The following COL5A2 variants were observed in gnomAD, a reference collection of about 807,000 sequenced individuals.
COL5A2 encodes collagen type V alpha 2 chain, also known as collagen alpha-2(V) chain.
In COL5A2, 23 loss-of-function variants were observed where a neutral mutation model predicts 208.2. That is an observed-to-expected ratio of 0.11 (90% confidence interval 0.08 to 0.16). COL5A2 has a LOEUF of 0.16. COL5A2 is among the 10% of genes least tolerant of loss of function. The pLI is 1.00. For missense variants in COL5A2, 1,590 were observed against 1,956.4 expected (o/e 0.81, Z 3.53); for synonymous variants, 625 against 628.5 (o/e 0.99, Z 0.08).
intron 1 of COL5A2, among the ~76,000 whole-genome samples, chr2:189,186,883 A>T (rs1009184198): frequency 3.9e-5 from 6 of 152,240 alleles, no homozygotes; most frequent in Non-Finnish European, 8.8e-5. Context: ...AGACATTATT[A>T]AAGATATTTC....
chr2:189,292,198 G>C, the COL5A2 span, among the ~76,000 whole-genome samples: 3 of 152,262 alleles, frequency 2.0e-5, no homozygotes, highest in African/African-American at 7.2e-5. Flanking sequence ...CACATATATT[G>C]TATGGAAGAC....
chr2:189,033,029 A>C lies in COL5A2; in HGVS notation c.*1041T>G, dbSNP rs2153505754. On this transcript the variant is annotated 3_prime_UTR_variant, in exon 54 of 54. Transcript: ENST00000374866. The stretch of plus-strand genomic sequence containing the variant: ...TCTAGAGATGAGGTAGCTCATGCTA[A>C]GAAATGTTGGGTCATTTTTCCTATG... 1 of 152,742 alleles carries C rather than the reference A, an allele frequency of 6.5e-6. No individual in the cohort carries two copies. The highest frequency in any genetic ancestry group is 2.1e-4 in the South Asian group (1 of 4,832). 9.5% of individuals were successfully genotyped at this position (152,742 alleles called of 1,614,324 possible).
upstream of COL5A2, among the ~76,000 whole-genome samples, chr2:189,230,271 T>C (rs1689463745): frequency 6.6e-6 from 1 of 151,824 alleles, no homozygotes; most frequent in African/African-American, 2.4e-5. Context: ...GTTTTTGCCA[T>C]GATTTGATGG....
chr2:189,172,824 C>T (rs1178913793), intron 1 of COL5A2, among the ~76,000 whole-genome samples: 2 of 151,578 alleles, frequency 1.3e-5, no homozygotes, highest in African/African-American at 4.8e-5. Context: ...AACTGTGAGA[C>T]TGTCTTTCCT....
chr2:189,108,271 C>T (rs1687190106), intron 2 of COL5A2, among the ~76,000 whole-genome samples: 1 of 151,712 alleles, frequency 6.6e-6, no homozygotes, highest in African/African-American at 2.4e-5. Flanking sequence ...CTCTTGGTTG[C>T]CTTGCATTTA....
At chr2:189,311,448 T>C in the COL5A2 span, 1 of 1,138,316 alleles carries the variant, frequency 8.8e-7, no homozygotes, top group Admixed American at 1.9e-5. Context: ...TTGACCTCGA[T>C]GTTCAGCAGG....
the COL5A2 span, among the ~76,000 whole-genome samples, chr2:189,240,347 C>A: frequency 6.6e-6 from 1 of 152,108 alleles, no homozygotes; most frequent in African/African-American, 2.4e-5. Flanking sequence ...TCTCACATGG[C>A]AAAGAGAGAG....
chr2:189,277,024 A>G, the COL5A2 span, among the ~76,000 whole-genome samples: 5 of 152,164 alleles, frequency 3.3e-5, no homozygotes, highest in African/African-American at 9.6e-5. Context: ...TTTGAATCTC[A>G]GCTATGCCAT....
the COL5A2 span, among the ~76,000 whole-genome samples, chr2:189,417,854 G>A: frequency 1.3e-5 from 2 of 151,068 alleles, no homozygotes; most frequent in Admixed American, 1.3e-4. Flanking sequence ...ATATATATAT[G>A]CACACACACA....
In COL5A2 at chr2:189,033,071, A is replaced by G. The variant is rs373913450; in HGVS notation, c.*999T>C. 2.6e-5 allele frequency: 4 copies of G among 152,588 alleles called. No individual in the cohort carries two copies. In the East Asian group the frequency reaches 5.8e-4, roughly 22 times the overall value. The allele number at this position is 152,588 out of a possible 1,614,324, so 9.5% of individuals were successfully genotyped here. A position where few individuals can be genotyped will look rare whatever the true frequency, so the allele number is the denominator to read the frequency against. On this transcript the variant is annotated 3_prime_UTR_variant, in exon 54 of 54. Transcript: ENST00000374866. Reference sequence around the variant, plus strand: ...TTTCCTATGAAAGTTCAAAGGCCAAATGGTCTAATTCCAATCATCACATTT... The same window carrying G: ...TTTCCTATGAAAGTTCAAAGGCCAAGTGGTCTAATTCCAATCATCACATTT...
rs1487139188 is a variant in COL5A2 at position 189,178,574 on chromosome 2, T to C, written c.97+934A>G. ...GCAACCCTCAAGATTAAAGATTTAA[T>C]AGAGGAATCAATTTAAATATTTTCT... On this transcript the variant is annotated intron_variant, in intron 1 of 53. Coordinates refer to ENST00000374866, the MANE Select transcript of COL5A2 (RefSeq NM_000393.5). 7.2e-5 allele frequency among the ~76,000 whole-genome samples: 11 copies of C among 152,078 alleles called. No individual in the cohort carries two copies. The East Asian group carries it at 1.5e-3, about 21-fold the overall frequency.
At chr2:189,309,266 T>C in the COL5A2 span, among the ~76,000 whole-genome samples, 4 of 152,160 alleles carry the variant, frequency 2.6e-5, no homozygotes, top group Non-Finnish European at 5.9e-5. Context: ...ACCTGAAACG[T>C]GATCAGTAGC....
intron 1 of COL5A2, among the ~76,000 whole-genome samples, chr2:189,178,687 G>T (rs1159379796): frequency 1.2e-4 from 17 of 145,134 alleles, no homozygotes; most frequent in Non-Finnish European, 1.5e-4. Flanking sequence ...AAAAAATGTG[G>T]TCACCAGGCA....
At chr2:189,406,044 T>C in the COL5A2 span, among the ~76,000 whole-genome samples, 1 of 152,340 alleles carries the variant, frequency 6.6e-6, no homozygotes, top group Non-Finnish European at 1.5e-5. Context: ...ATAGCACCTA[T>C]CAGCTATCAA....
Position 189,039,478 on chromosome 2 carries a change from T to C in COL5A2, c.3719A>G (p.Tyr1240Cys), listed in dbSNP as rs748365947. The C allele has an allele frequency of 1.2e-6, 2 of 1,614,078 alleles. No individual in the cohort carries two copies. The highest frequency in any genetic ancestry group is 8.5e-7 in the Non-Finnish European group (1 of 1,180,016). Residue 1240 changes from tyrosine (Y) to cysteine (C), a missense_variant, in exon 51 of 54, where the codon TAT (tyrosine) becomes TGT (cysteine). Physicochemically the swap from Tyr to Cys is radical, Grantham distance 194. Transcript: ENST00000374866. ...AAGTGGATCTGGCATGCTTTCATCATAGTGCCCCATGATATCCCCAAGAGC... is the reference window on the plus strand; with the variant it reads ...AAGTGGATCTGGCATGCTTTCATCACAGTGCCCCATGATATCCCCAAGAGC... ...TAALGDIMGH[Y>C]DESMPDPLPE...
chr2:189,151,821 T>A (rs1021457496), intron 1 of COL5A2, among the ~76,000 whole-genome samples: 1 of 152,184 alleles, frequency 6.6e-6, no homozygotes, highest in African/African-American at 2.4e-5. Flanking sequence ...TTAAACTCTA[T>A]CCTAGTAAGA....
At chr2:189,074,698 T>C (rs537701044) in intron 17 of COL5A2, among the ~76,000 whole-genome samples, 1 of 152,314 alleles carries the variant, frequency 6.6e-6, no homozygotes, top group Non-Finnish European at 1.5e-5. Flanking sequence ...AATTACATCA[T>C]CCATCAAACA....
intron 1 of COL5A2, among the ~76,000 whole-genome samples, chr2:189,192,367 T>C (rs1688942180): frequency 2.0e-5 from 3 of 152,202 alleles, no homozygotes; most frequent in East Asian, 3.8e-4. Flanking sequence ...ATATTCTCTC[T>C]GGAAGTAGGT....
chr2:189,335,134 T>G, the COL5A2 span, among the ~76,000 whole-genome samples: 2 of 152,040 alleles, frequency 1.3e-5, no homozygotes, highest in Admixed American at 1.3e-4. Context: ...AAGAAAAAAG[T>G]AAGAGAACAT....
Sources: allele counts gnomAD v4.1 joint callset (sites outside exome capture counted in the v4.1 genomes callset), GRCh38; gene constraint gnomAD v4.1.1; transcripts MANE v1.5; gene names NCBI Gene and HGNC (gene_info 2026-07-23, HGNC 2026-07-21).